Variants in KIF6 observed in about 807,000 individuals in gnomAD.
The protein encoded by KIF6 is kinesin-like protein KIF6.
In KIF6, 106 loss-of-function variants were observed where a neutral mutation model predicts 112.7. The ratio of observed to expected loss-of-function variants is 0.94; its 90% CI spans 0.80 to 1.11. The LOEUF (loss-of-function observed/expected upper bound fraction) is 1.11, where lower values mean the gene tolerates loss of function less well. Among genes scored for constraint, KIF6 ranks in the 50% least tolerant of loss-of-function variants. KIF6 has a pLI of 0.00. For missense variants in KIF6, 929 were observed against 964.0 expected (o/e 0.96, Z 0.48); for synonymous variants, 339 against 339.9 (o/e 1.00, Z 0.03).
chr6:39,489,387 A>G lies in KIF6; in HGVS notation c.1645+50616T>C, dbSNP rs565118208. On this transcript the variant is annotated intron_variant, in intron 13 of 22. Transcript: ENST00000287152. ...CGCAATAGACTTTAGAGATATCCCA[A>G]CTGGAACTTAGGTCTGCATGGGCCT... Among the ~76,000 whole-genome samples, 150 of 152,294 alleles carry G rather than the reference A, an allele frequency of 9.8e-4. 3 individuals carry two copies. In the South Asian group the frequency reaches 0.029, roughly 29 times the overall value.
At chr6:39,651,707 AAC>A (rs1785482137) in intron 3 of KIF6, among the ~76,000 whole-genome samples, 1 of 152,196 alleles carries the variant, frequency 6.6e-6, no homozygotes, top group African/African-American at 2.4e-5. Flanking sequence ...GGAAAATTCA[AAC>A]ACACTTTGAT....
chr6:39,675,986 T>C (rs1787114879), intron 3 of KIF6, among the ~76,000 whole-genome samples: 1 of 149,372 alleles, frequency 6.7e-6, no homozygotes, highest in African/African-American at 2.5e-5. Context: ...GGGATAACAC[T>C]GAATGAAAAG....
chr6:39,524,619 C>T (rs1255159860), intron 13 of KIF6, among the ~76,000 whole-genome samples: 3 of 152,208 alleles, frequency 2.0e-5, no homozygotes, highest in Non-Finnish European at 2.9e-5. Flanking sequence ...CTACATCCAA[C>T]GACTGACCAT....
intron 13 of KIF6, among the ~76,000 whole-genome samples, chr6:39,463,390 A>AT (rs1214356986): frequency 6.6e-6 from 1 of 152,092 alleles, no homozygotes; most frequent in East Asian, 1.9e-4. Flanking sequence ...AAAACATGTT[A>AT]TTTTTTCAGA....
chr6:39,385,769 A>AAAAG, intron 15 of KIF6, 97 bp from the exon 16 acceptor site: 1 of 806,414 alleles, frequency 1.2e-6, no homozygotes, highest in Non-Finnish European at 2.1e-6. Context: ...AAAAAAAAAA[A>AAAAG]AAGGTAGAGT....
At chr6:39,379,122 A>G (rs927064363) in intron 16 of KIF6, among the ~76,000 whole-genome samples, 2 of 152,216 alleles carry the variant, frequency 1.3e-5, no homozygotes, top group African/African-American at 2.4e-5. Flanking sequence ...AAGAAATTCT[A>G]TTTTCTGCAG....
intron 5 of KIF6, among the ~76,000 whole-genome samples, chr6:39,631,844 T>A (rs1265334103): frequency 2.0e-5 from 3 of 152,136 alleles, no homozygotes; most frequent in Admixed American, 1.3e-4. Context: ...TTGGTGTTAA[T>A]TCTTCTTTAA....
intron 10 of KIF6, chr6:39,554,910 T>C (rs1223157688): frequency 9.8e-6 from 2 of 204,186 alleles, no homozygotes; most frequent in East Asian, 2.3e-4. Flanking sequence ...AGGGTGTCTG[T>C]GACCTCTTTG....
chr6:39,370,250 C>A (rs1765866004), intron 16 of KIF6, among the ~76,000 whole-genome samples: 1 of 152,174 alleles, frequency 6.6e-6, no homozygotes, highest in Admixed American at 6.5e-5. Context: ...AGCCAGGGGG[C>A]AGTGTTCTCA....
chr6:39,628,572 A>G (rs1784206878), intron 5 of KIF6, among the ~76,000 whole-genome samples: 1 of 152,144 alleles, frequency 6.6e-6, no homozygotes, highest in South Asian at 2.1e-4. Context: ...GGAATCATAC[A>G]GCATGTAAAC....
intron 16 of KIF6, among the ~76,000 whole-genome samples, chr6:39,373,527 G>T (rs868651275): frequency 6.6e-6 from 1 of 151,922 alleles, no homozygotes; most frequent in South Asian, 2.1e-4. Context: ...AAAGTTACAG[G>T]ATACCAAATC....
chr6:39,533,785 C>T (rs999227145), intron 13 of KIF6, among the ~76,000 whole-genome samples: 4 of 152,306 alleles, frequency 2.6e-5, no homozygotes, highest in South Asian at 2.1e-4. Flanking sequence ...CCCTGACTCC[C>T]GAGCAGCCTA....
intron 4 of KIF6, 122 bp downstream of exon 4, chr6:39,639,488 T>G: frequency 1.2e-6 from 1 of 814,216 alleles, no homozygotes; most frequent in African/African-American, 1.8e-5. Flanking sequence ...GCCAAAGTTA[T>G]GACACAATAA....
intron 3 of KIF6, among the ~76,000 whole-genome samples, chr6:39,708,031 C>G (rs981017830): frequency 6.6e-6 from 1 of 152,164 alleles, no homozygotes; most frequent in Non-Finnish European, 1.5e-5. Context: ...GAGCCTTTTT[C>G]TCCCTATTCT....
intron 13 of KIF6, among the ~76,000 whole-genome samples, chr6:39,528,602 G>A (rs1366543869): frequency 3.9e-5 from 6 of 152,194 alleles, no homozygotes; most frequent in East Asian, 1.9e-4. Flanking sequence ...AGTGTACAAG[G>A]GTTCCCTTTT....
intron 13 of KIF6, among the ~76,000 whole-genome samples, chr6:39,453,883 C>G (rs760930583): frequency 3.3e-5 from 5 of 152,170 alleles, no homozygotes; most frequent in Non-Finnish European, 7.3e-5. Context: ...CCATATTCCC[C>G]TTGTATGTCT....
intron 5 of KIF6, among the ~76,000 whole-genome samples, chr6:39,629,443 G>A (rs1282557990): frequency 2.6e-5 from 4 of 152,012 alleles, no homozygotes; most frequent in Admixed American, 6.6e-5. Flanking sequence ...CTTTTCATAC[G>A]CTATTTGCCA....
At chr6:39,506,344 AC>A in intron 13 of KIF6, among the ~76,000 whole-genome samples, 1 of 152,008 alleles carries the variant, frequency 6.6e-6, no homozygotes, top group South Asian at 2.1e-4. Context: ...AACAACACAC[AC>A]CGGGGCCTGT....
intron 13 of KIF6, among the ~76,000 whole-genome samples, chr6:39,454,661 G>C (rs1772930337): frequency 6.6e-6 from 1 of 152,124 alleles, no homozygotes; most frequent in Non-Finnish European, 1.5e-5. Context: ...CAGTGGGTGC[G>C]CACACCGTGC....
Sources: gnomAD v4.1 joint callset for allele counts (sites outside exome capture counted in the v4.1 genomes callset) on GRCh38, gnomAD v4.1.1 for gene constraint, MANE v1.5 for transcripts, NCBI Gene and HGNC (gene_info 2026-07-23, HGNC 2026-07-21) for gene names.